Variants in DOK6 observed in about 807,000 individuals in gnomAD.
The protein encoded by DOK6 is docking protein 6.
Under a neutral mutation model 44.0 loss-of-function variants are expected in DOK6, and 22 were observed. The ratio of observed to expected loss-of-function variants is 0.50; its 90% confidence interval spans 0.36 to 0.71. DOK6 has a LOEUF of 0.71. Ranked by LOEUF, DOK6 falls within the 30% of genes least tolerant of loss-of-function variation. The pLI, the probability that DOK6 is intolerant of heterozygous loss-of-function variation, is 0.00. For synonymous variants in DOK6, 166 were observed against 145.5 expected, an observed-to-expected ratio of 1.14 and a Z score of -1.01; for missense variants, 340 against 416.4, an observed-to-expected ratio of 0.82 and a Z score of 1.60.
chr18:69,667,491 C>T (rs1340877534), intron 3 of DOK6, among the ~76,000 whole-genome samples: 1 of 152,068 alleles, frequency 6.6e-6, no homozygotes, highest in Non-Finnish European at 1.5e-5. Flanking sequence ...CTAATGCTAC[C>T]TTAAGAAAAA....
chr18:69,593,816 T>C (rs1013786474), intron 2 of DOK6, among the ~76,000 whole-genome samples: 1 of 152,216 alleles, frequency 6.6e-6, no homozygotes, highest in African/African-American at 2.4e-5. Flanking sequence ...TATAAATGTT[T>C]TTATTATATG....
intron 7 of DOK6, chr18:69,781,376 C>G (rs1415873277): frequency 6.6e-6 from 1 of 152,062 alleles, no homozygotes; most frequent in Non-Finnish European, 1.5e-5. Context: ...CTTCTACATG[C>G]AAAGTTGTAC....
At chr18:69,616,701 T>A (rs1984293116) in intron 3 of DOK6, among the ~76,000 whole-genome samples, 1 of 152,246 alleles carries the variant, frequency 6.6e-6, no homozygotes, top group Admixed American at 6.5e-5. Context: ...TACTTCTGCT[T>A]TATTTGCAGA....
intron 3 of DOK6, among the ~76,000 whole-genome samples, chr18:69,674,920 G>A (rs1375078103): frequency 6.6e-6 from 1 of 152,032 alleles, no homozygotes; most frequent in Non-Finnish European, 1.5e-5. Context: ...TTTGTTAAAG[G>A]AATGAGTCCT....
At chr18:69,739,912 C>T (rs35938100) in intron 6 of DOK6, among the ~76,000 whole-genome samples, 22,048 of 152,038 alleles carry the variant, frequency 0.15, 1,656 homozygotes, top group Middle Eastern at 0.23. Flanking sequence ...AAGAAAGTTT[C>T]ATATTACTAT....
At chr18:69,655,249 A>G (rs1463869985) in intron 3 of DOK6, among the ~76,000 whole-genome samples, 1 of 152,146 alleles carries the variant, frequency 6.6e-6, no homozygotes, top group Non-Finnish European at 1.5e-5. Flanking sequence ...GTTTTACAAG[A>G]ATAGAAAATA....
At chr18:69,613,558 T>C (rs1371309280) in intron 3 of DOK6, among the ~76,000 whole-genome samples, 3 of 152,154 alleles carry the variant, frequency 2.0e-5, no homozygotes, top group Non-Finnish European at 4.4e-5. Flanking sequence ...ATTAATACTT[T>C]GTCATTCCTT....
chr18:69,728,090 T>G (rs1341454380), intron 5 of DOK6, among the ~76,000 whole-genome samples: 1 of 152,226 alleles, frequency 6.6e-6, no homozygotes, highest in Non-Finnish European at 1.5e-5. Context: ...CTGAAACCCC[T>G]GATCCTGACC....
chr18:69,447,327 C>CT (rs900494739), intron 1 of DOK6, among the ~76,000 whole-genome samples: 16 of 152,046 alleles, frequency 1.1e-4, no homozygotes, highest in African/African-American at 2.2e-4. Flanking sequence ...TTCCCCATTT[C>CT]TTTTTTTTGT....
intron 3 of DOK6, among the ~76,000 whole-genome samples, chr18:69,674,565 TCA>T (rs150764492): frequency 1.3e-5 from 2 of 151,810 alleles, no homozygotes; most frequent in African/African-American, 4.8e-5. Context: ...AAATGCACAC[TCA>T]CACACACTCA....
In DOK6 at chr18:69,841,415, A is replaced by G; in HGVS notation, c.*32A>G. On this transcript the variant is annotated 3_prime_UTR_variant, in exon 8 of 8. Transcript: ENST00000382713. ...GAGAGCCGCTGTTGACTAGAGAGAC[A>G]GTCTGTCCTGGACCCGTCTGTGGGG... 2 of 1,613,900 alleles carry G rather than the reference A, an allele frequency of 1.2e-6. No individual in the cohort carries two copies. Among genetic ancestry groups the G allele is most frequent in the Non-Finnish European group, 1.7e-6 (2 of 1,179,904 alleles).
chr18:69,761,197 A>G (rs1279979792), intron 7 of DOK6, among the ~76,000 whole-genome samples: 5 of 145,550 alleles, frequency 3.4e-5, no homozygotes, highest in African/African-American at 1.0e-4. Context: ...GGTGTTTTCT[A>G]TCTATTAAGA....
intron 7 of DOK6, among the ~76,000 whole-genome samples, chr18:69,826,315 T>G (rs1012920727): frequency 6.6e-6 from 1 of 152,178 alleles, no homozygotes; most frequent in Non-Finnish European, 1.5e-5. Flanking sequence ...TTCAGTTCCA[T>G]CAGAACATGG....
intron 1 of DOK6, among the ~76,000 whole-genome samples, chr18:69,526,216 C>G (rs889816052): frequency 1.3e-5 from 2 of 152,012 alleles, no homozygotes; most frequent in Non-Finnish European, 2.9e-5. Context: ...AATCCCATAA[C>G]GATGAACAGT....
intron 1 of DOK6, among the ~76,000 whole-genome samples, chr18:69,472,771 C>G (rs1303839176): frequency 6.6e-6 from 1 of 152,152 alleles, no homozygotes; most frequent in East Asian, 1.9e-4. Flanking sequence ...CTCATTATTT[C>G]TTTAAAGAAA....
intron 1 of DOK6, among the ~76,000 whole-genome samples, chr18:69,428,336 G>A (rs1051632081): frequency 2.0e-5 from 3 of 151,918 alleles, no homozygotes; most frequent in East Asian, 1.9e-4. Flanking sequence ...AAATCCTATC[G>A]TTTATGTCTT....
At chr18:69,485,282 G>A (rs144835913) in intron 1 of DOK6, among the ~76,000 whole-genome samples, 10 of 152,192 alleles carry the variant, frequency 6.6e-5, no homozygotes, top group East Asian at 3.9e-4. Flanking sequence ...GAAATTTGTC[G>A]TGATTTTAGA....
At chr18:69,492,466 C>T (rs1980763026) in intron 1 of DOK6, among the ~76,000 whole-genome samples, 1 of 151,450 alleles carries the variant, frequency 6.6e-6, no homozygotes, top group South Asian at 2.1e-4. Flanking sequence ...CATAGATGTG[C>T]AGGTTTGTTA....
chr18:69,738,359 T>C (rs1363578242), intron 5 of DOK6, among the ~76,000 whole-genome samples: 1 of 152,226 alleles, frequency 6.6e-6, no homozygotes, highest in Non-Finnish European at 1.5e-5. Flanking sequence ...GAAGACTTTC[T>C]TAAAAGCTAG....
Sources: allele counts gnomAD v4.1 joint callset (sites outside exome capture counted in the v4.1 genomes callset), GRCh38; gene constraint gnomAD v4.1.1; transcripts MANE v1.5; gene names NCBI Gene and HGNC (gene_info 2026-07-23, HGNC 2026-07-21).